ZNF292: variants seen among roughly 807,000 people sequenced by gnomAD.
ZNF292 encodes 16 zinc-finger domain protein.
ZNF292 carries 26 observed loss-of-function variants against 217.9 expected under a neutral mutation model. The ratio of observed to expected loss-of-function variants is 0.12; its 90% CI spans 0.09 to 0.17. The LOEUF is 0.17. Among genes scored for constraint, ZNF292 ranks in the 10% least tolerant of loss-of-function variants. ZNF292 has a pLI of 1.00. For missense variants in ZNF292, 2,904 were observed against 3,175.2 expected (o/e 0.91, Z 2.05); for synonymous variants, 1,257 against 1,124.1 (o/e 1.12, Z -2.37).
Position 87,233,382 on chromosome 6 carries a change from T to A in ZNF292, c.596T>A (p.Leu199Gln). 6.2e-7 allele frequency: 1 copy of A among 1,613,324 alleles called. No homozygotes were observed. Residue 199 changes from leucine to glutamine, a missense_variant, in exon 5 of 8, where the codon CTA (leucine) becomes CAA (glutamine). By Grantham distance (113) the Leu-to-Gln change is moderately radical (BLOSUM62 -2). This residue lies in a region of ZNF292 where 313 missense variants were observed against 451.0 expected (regional missense o/e 0.69). Transcript: ENST00000369577. ...TTGTTGGATATGAGAATTAAACATC[T>A]AATCAAAACAAATCAGTTAAGTCAA... is the stretch of plus-strand genomic sequence containing the variant. ...PILLDMRIKH[L>Q]IKTNQLSQAT...
chr6:87,211,759 G>T (rs1369931439), intron 1 of ZNF292, among the ~76,000 whole-genome samples: 2 of 152,024 alleles, frequency 1.3e-5, no homozygotes, highest in African/African-American at 4.8e-5. Context: ...TTTCTTACAG[G>T]TTACTCATTA....
intron 1 of ZNF292, among the ~76,000 whole-genome samples, chr6:87,158,666 G>C (rs778872710): frequency 2.2e-4 from 33 of 152,034 alleles, no homozygotes; most frequent in Non-Finnish European, 4.1e-4. Context: ...GACAGAGAAA[G>C]ATCCTGTCTC....
In ZNF292 at chr6:87,258,633, C is replaced by A. The variant is rs896256637; in HGVS notation, c.5004C>A (p.Asn1668Lys). The A allele has an allele frequency of 1.2e-6, 2 of 1,613,572 alleles. No individual in the cohort carries two copies. Among genetic ancestry groups the A allele is most frequent in the Non-Finnish European group, 1.7e-6 (2 of 1,179,758 alleles). The change falls in exon 8 of 8, where the codon AAC becomes AAA. Residue 1668 changes from asparagine to lysine, a missense_variant. Physicochemically the swap from Asn to Lys is moderately conservative, Grantham distance 94. This residue lies in a region of ZNF292 where 622 missense variants were observed against 573.1 expected (regional missense o/e 1.09). Transcript: ENST00000369577. ...IAKSVEIPTT[N>K]LHSNVIPTCE... ...AGAGTGTTGAAATCCCAACTACTAA[C>A]CTTCATTCAAATGTAATTCCAACTT... is the stretch of plus-strand genomic sequence containing the variant.
chr6:87,190,466 TTTTA>T (rs530141025), intron 1 of ZNF292, among the ~76,000 whole-genome samples: 5 of 152,012 alleles, frequency 3.3e-5, no homozygotes, highest in African/African-American at 7.2e-5. Flanking sequence ...TATTTTATAC[TTTTA>T]TTTATTTATT....
chr6:87,182,143 T>TA (rs1284658531), intron 1 of ZNF292, among the ~76,000 whole-genome samples: 1 of 152,146 alleles, frequency 6.6e-6, no homozygotes, highest in Non-Finnish European at 1.5e-5. Context: ...GCTTTGTTAT[T>TA]AAAAAATATC....
At chr6:87,224,597 A>G (rs771129293) in intron 4 of ZNF292, among the ~76,000 whole-genome samples, 1 of 152,166 alleles carries the variant, frequency 6.6e-6, no homozygotes, top group Non-Finnish European at 1.5e-5. Context: ...TCTTTCACAT[A>G]GCATTGTATA....
intron 1 of ZNF292, among the ~76,000 whole-genome samples, chr6:87,172,924 T>A (rs1582378435): frequency 6.6e-6 from 1 of 151,838 alleles, no homozygotes; most frequent in African/African-American, 2.4e-5. Flanking sequence ...AATTTTTTTT[T>A]AATTAAAAAA....
At chr6:87,169,510 TTTAAA>T (rs1303280108) in intron 1 of ZNF292, among the ~76,000 whole-genome samples, 1 of 152,206 alleles carries the variant, frequency 6.6e-6, no homozygotes, top group African/African-American at 2.4e-5. Context: ...ATATAAATAA[TTTAAA>T]TTAAGTCTAG....
chr6:87,216,267 A>G (rs1192153078), intron 2 of ZNF292, 32 bp from the exon 3 acceptor site: 1 of 1,523,998 alleles, frequency 6.6e-7, no homozygotes, highest in Non-Finnish European at 8.9e-7. Context: ...TTTAATAATT[A>G]TTCCTCTCCT....
chr6:87,155,659 A>G lies in ZNF292; in HGVS notation c.68A>G (p.Gln23Arg), dbSNP rs201296869. 3 of 1,584,266 alleles carry G rather than the reference A, an allele frequency of 1.9e-6. No individual in the cohort carries two copies. The highest frequency in any genetic ancestry group is 1.7e-6 in the Non-Finnish European group (2 of 1,167,076). Residue 23 changes from glutamine to arginine, a missense_variant, in exon 1 of 8, where the codon CAG becomes CGG. Gln to Arg is a conservative substitution (Grantham distance 43, BLOSUM62 1). Transcript: ENST00000369577. ...GAAGGCGGCTGCGTCGCGGAGCTGC[A>G]GCGCCTGGGCGAGCGGCTCCAGGAG... ...CGEGGCVAEL[Q>R]RLGERLQELE...
intron 7 of ZNF292, chr6:87,249,406 G>A (rs1432579701): frequency 7.7e-6 from 3 of 391,852 alleles, no homozygotes; most frequent in Non-Finnish European, 1.5e-5. Flanking sequence ...GGGATTACAG[G>A]TATGAGCCAC....
At chr6:87,226,656 T>G (rs1043113739) in intron 4 of ZNF292, among the ~76,000 whole-genome samples, 2 of 98,420 alleles carry the variant, frequency 2.0e-5, no homozygotes, top group Non-Finnish European at 3.8e-5. Context: ...TCTATATATA[T>G]ATAGATATAT....
At chr6:87,177,360 C>G (rs1329037823) in intron 1 of ZNF292, among the ~76,000 whole-genome samples, 1 of 151,874 alleles carries the variant, frequency 6.6e-6, no homozygotes, top group Admixed American at 6.6e-5. Context: ...ATCCTTCAGT[C>G]ATTTTTAGCT....
rs1775696159 is a variant in ZNF292, at chr6:87,263,289, A to C, written c.*1488A>C. ...TTTACTTTTGTTTCTGTTTGCCGTA[A>C]ATAGTAACATTGTTTTTTTTTATTT... On this transcript the variant is annotated 3_prime_UTR_variant, in exon 8 of 8. Coordinates refer to ENST00000369577, the MANE Select transcript of ZNF292 (RefSeq NM_015021.3). 6.6e-6 allele frequency: 1 copy of C among 152,074 alleles called. No individual in the cohort carries two copies. The highest frequency in any genetic ancestry group is 2.1e-4 in the South Asian group (1 of 4,836). The allele number at this position is 152,074 out of a possible 1,614,324, so 9.4% of individuals were successfully genotyped here.
chr6:87,220,541 T>C (rs1276024330), intron 4 of ZNF292, among the ~76,000 whole-genome samples: 1 of 152,176 alleles, frequency 6.6e-6, no homozygotes, highest in African/African-American at 2.4e-5. Flanking sequence ...CCTAATAAAA[T>C]AGAGTTGCAC....
intron 1 of ZNF292, among the ~76,000 whole-genome samples, chr6:87,180,381 G>A (rs1029866063): frequency 2.0e-5 from 3 of 152,188 alleles, no homozygotes; most frequent in African/African-American, 4.8e-5. Context: ...GCTGCCAGTA[G>A]TGTGGCTATG....
At chr6:87,231,005 A>C (rs1773622970) in intron 4 of ZNF292, among the ~76,000 whole-genome samples, 2 of 152,202 alleles carry the variant, frequency 1.3e-5, no homozygotes, top group East Asian at 3.9e-4. Flanking sequence ...GTGAAATTTG[A>C]TACGTCTAAG....
chr6:87,184,096 A>C (rs1366160064), intron 1 of ZNF292, among the ~76,000 whole-genome samples: 5 of 152,278 alleles, frequency 3.3e-5, no homozygotes, highest in African/African-American at 1.2e-4. Flanking sequence ...AGTCACATTT[A>C]CTAAAATGCA....
chr6:87,245,204 C>T (rs1774509856), intron 6 of ZNF292, among the ~76,000 whole-genome samples: 1 of 151,840 alleles, frequency 6.6e-6, no homozygotes, highest in African/African-American at 2.4e-5. Flanking sequence ...TGCGTCACTG[C>T]ACTTCAGCCT....
Sources: allele counts gnomAD v4.1 joint callset (sites outside exome capture counted in the v4.1 genomes callset), GRCh38; gene constraint gnomAD v4.1.1; regional missense constraint gnomAD v4.1.1; transcripts MANE v1.5; gene names NCBI Gene and HGNC (gene_info 2026-07-23, HGNC 2026-07-21).